Variants in SLC4A8 observed in about 807,000 individuals in gnomAD.
The protein encoded by SLC4A8 is solute carrier family 4 member 8.
Under a neutral mutation model 125.0 loss-of-function variants are expected in SLC4A8, and 40 were observed. The ratio of observed to expected loss-of-function variants is 0.32; its 90% CI spans 0.25 to 0.42. The LOEUF is 0.42. Ranked by LOEUF, SLC4A8 falls within the 10% of genes least tolerant of loss-of-function variation. SLC4A8 has a pLI of 1.00. For missense variants in SLC4A8, 863 were observed against 1,355.1 expected (o/e 0.64, Z 5.70); for synonymous variants, 456 against 476.0 (o/e 0.96, Z 0.55).
At chr12:51,506,848 T>C (rs1318373935) in intron 24 of SLC4A8, among the ~76,000 whole-genome samples, 3 of 152,218 alleles carry the variant, frequency 2.0e-5, no homozygotes, top group Admixed American at 6.5e-5. Context: ...TTTGCCTGCA[T>C]TGAGGTAGGC....
At chr12:51,474,983 A>G (rs1950818105) in intron 15 of SLC4A8, 62 bp from the exon 16 acceptor site, 2 of 1,448,556 alleles carry the variant, frequency 1.4e-6, no homozygotes, top group African/African-American at 2.8e-5. Flanking sequence ...TGGACTCAGT[A>G]GGAAACAGCT....
intron 7 of SLC4A8, 76 bp downstream of exon 7, chr12:51,458,726 T>C: frequency 9.4e-7 from 1 of 1,059,468 alleles, no homozygotes; most frequent in Non-Finnish European, 1.5e-6. Flanking sequence ...ATTGCTGGAA[T>C]CTGGGTAAGG....
chr12:51,419,854 T>C (rs1948749781), upstream of SLC4A8, among the ~76,000 whole-genome samples: 2 of 152,242 alleles, frequency 1.3e-5, no homozygotes, highest in Non-Finnish European at 2.9e-5. Flanking sequence ...CTGTGGATGA[T>C]GTTGATGATG....
chr12:51,459,414 AG>A (rs1383306699), intron 7 of SLC4A8, among the ~76,000 whole-genome samples: 1 of 152,172 alleles, frequency 6.6e-6, no homozygotes, highest in African/African-American at 2.4e-5. Flanking sequence ...GTCCCGGGCA[AG>A]TCAACTTCAC....
In SLC4A8 at chr12:51,457,435, A is replaced by G. The variant is rs1592216243; in HGVS notation, c.659A>G (p.His220Arg). The G allele has an allele frequency of 6.2e-7, 1 of 1,614,142 alleles. No homozygotes were observed. The highest frequency in any genetic ancestry group is 1.6e-4 in the Middle Eastern group (1 of 6,062). The change falls in exon 6 of 25, where the codon CAT becomes CGT. Residue 220 changes from histidine to arginine, a missense_variant. Coordinates refer to ENST00000453097, the MANE Select transcript of SLC4A8 (RefSeq NM_001039960.3). ...GTGCGGGAAGCCCTTCTCAAAAAGC[A>G]TCATCATCAGAATGAAAAGAAGAGA... ...VKVREALLKK[H>R]HHQNEKKRNN...
chr12:51,477,573 G>T (rs1039538954), intron 16 of SLC4A8, among the ~76,000 whole-genome samples: 9 of 152,158 alleles, frequency 5.9e-5, no homozygotes, highest in Admixed American at 5.2e-4. Flanking sequence ...CTATTTCTCA[G>T]CAGTCGTTTC....
chr12:51,484,536 T>A (rs1028624891), intron 16 of SLC4A8, among the ~76,000 whole-genome samples: 3 of 152,124 alleles, frequency 2.0e-5, no homozygotes, highest in Non-Finnish European at 4.4e-5. Flanking sequence ...AGAATTTATA[T>A]TGCATTCAGA....
intron 1 of SLC4A8, among the ~76,000 whole-genome samples, chr12:51,398,899 G>A (rs1174970691): frequency 6.6e-6 from 1 of 152,146 alleles, no homozygotes; most frequent in African/African-American, 2.4e-5. Context: ...ACAGGCGTGC[G>A]CAACCACGCC....
At chr12:51,476,507 G>A (rs1950859564) in intron 16 of SLC4A8, among the ~76,000 whole-genome samples, 1 of 151,734 alleles carries the variant, frequency 6.6e-6, no homozygotes, top group African/African-American at 2.4e-5. Flanking sequence ...AAAAAAAAAA[G>A]AGCACAGTCA....
intron 19 of SLC4A8, among the ~76,000 whole-genome samples, chr12:51,490,511 C>T (rs1041460615): frequency 2.7e-4 from 39 of 145,516 alleles, no homozygotes; most frequent in African/African-American, 8.3e-4. Flanking sequence ...TGCAGTGAGC[C>T]GAGATCATGC....
rs1470807827 is a variant in SLC4A8 at position 51,463,670 on chromosome 12, A to G, written c.1305A>G (p.Glu435=). 1.9e-6 allele frequency: 3 copies of G among 1,614,116 alleles called. No individual in the cohort carries two copies. The highest frequency in any genetic ancestry group is 3.3e-5 in the Admixed American group (2 of 60,020). The part of the protein sequence containing the change: ...PNGNVCHIEQ[E]PHGGHSGPEL... ...GAAATGTTTGCCACATAGAACAGGA[A>G]CCACATGGGGGTCACAGTGGGCCAG... Residue 435 remains glutamate, a synonymous_variant, in exon 11 of 25, where the codon GAA becomes GAG. Transcript: ENST00000453097.
At chr12:51,444,698 A>T (rs1949717835) in intron 2 of SLC4A8, among the ~76,000 whole-genome samples, 1 of 152,232 alleles carries the variant, frequency 6.6e-6, no homozygotes, top group Admixed American at 6.5e-5. Context: ...TCTGAAGAAT[A>T]ACCTAGCCTG....
upstream of SLC4A8, among the ~76,000 whole-genome samples, chr12:51,421,627 G>A (rs1311891407): frequency 1.3e-5 from 2 of 152,158 alleles, no homozygotes; most frequent in East Asian, 1.9e-4. Context: ...CCTTCCAGGG[G>A]AGTGGGGGAT....
intron 1 of SLC4A8, among the ~76,000 whole-genome samples, chr12:51,415,813 A>G (rs1948674993): frequency 6.7e-6 from 1 of 148,500 alleles, no homozygotes; most frequent in Non-Finnish European, 1.5e-5. Flanking sequence ...TATCAGGTAC[A>G]GTGTTCACCA....
chr12:51,425,099 AC>A, intron 1 of SLC4A8, 64 bp downstream of exon 1: 2 of 1,511,802 alleles, frequency 1.3e-6, no homozygotes, highest in Non-Finnish European at 1.8e-6. Flanking sequence ...TCCTCTGCCC[AC>A]CCTCCTTCCT....
At chr12:51,441,240 A>G (rs1949585414) in intron 2 of SLC4A8, 6 of 977,942 alleles carry the variant, frequency 6.1e-6, no homozygotes, top group Non-Finnish European at 7.3e-6. Flanking sequence ...TATTCTATTT[A>G]TACCCATTTC....
intron 1 of SLC4A8, among the ~76,000 whole-genome samples, chr12:51,432,448 G>C (rs1440940506): frequency 6.8e-6 from 1 of 148,026 alleles, no homozygotes; most frequent in Non-Finnish European, 1.5e-5. Flanking sequence ...GAAATGGCTG[G>C]GTGTGGTGGC....
chr12:51,450,226 A>G (rs2138181792), intron 2 of SLC4A8, among the ~76,000 whole-genome samples: 1 of 152,296 alleles, frequency 6.6e-6, no homozygotes, highest in South Asian at 2.1e-4. Flanking sequence ...AAATAAAATA[A>G]TGGAAGCTGA....
chr12:51,500,502 C>T (rs1937808710), intron 22 of SLC4A8, among the ~76,000 whole-genome samples: 1 of 151,960 alleles, frequency 6.6e-6, no homozygotes, highest in African/African-American at 2.4e-5. Flanking sequence ...TCATAAGACA[C>T]TTTCATGTTT....
Sources: gnomAD v4.1 joint callset for allele counts (sites outside exome capture counted in the v4.1 genomes callset) on GRCh38, gnomAD v4.1.1 for gene constraint, MANE v1.5 for transcripts, NCBI Gene and HGNC (gene_info 2026-07-23, HGNC 2026-07-21) for gene names.